The following ST3GAL2 variants were observed in gnomAD, a reference collection of about 807,000 sequenced individuals.
ST3GAL2 encodes the protein CMP-N-acetylneuraminate-beta-galactosamide-alpha-2,3-sialyltransferase 2.
A neutral mutation model predicts 37.5 loss-of-function variants in ST3GAL2; 16 were observed. That is an observed-to-expected ratio of 0.43 (90% CI 0.29 to 0.65). The LOEUF (loss-of-function observed/expected upper bound fraction) is 0.65. Ranked by LOEUF, ST3GAL2 falls within the 30% of genes least tolerant of loss-of-function variation. ST3GAL2 has a pLI of 0.17. For missense variants in ST3GAL2, 383 were observed against 487.8 expected, an observed-to-expected ratio of 0.79 and a Z score of 2.02; for synonymous variants, 238 against 202.9, an observed-to-expected ratio of 1.17 and a Z score of -1.47.
chr16:70,403,894 C>T (rs2047572141), intron 1 of ST3GAL2, among the ~76,000 whole-genome samples: 1 of 151,956 alleles, frequency 6.6e-6, no homozygotes, highest in Non-Finnish European at 1.5e-5. Context: ...ACTCAGGAGG[C>T]TTAGGCATAA....
At chr16:70,410,651 T>C (rs376595271) in intron 1 of ST3GAL2, among the ~76,000 whole-genome samples, 5 of 152,040 alleles carry the variant, frequency 3.3e-5, no homozygotes, top group East Asian at 1.9e-4. Context: ...ATTTTCTTGA[T>C]GAAGTCTTCA....
intron 1 of ST3GAL2, among the ~76,000 whole-genome samples, chr16:70,407,757 G>C (rs772365686): frequency 2.6e-5 from 4 of 152,158 alleles, no homozygotes; most frequent in African/African-American, 4.8e-5. Context: ...GCCCCAAAAC[G>C]AGAACAGCAG....
chr16:70,415,171 G>A (rs2047667383), intron 1 of ST3GAL2, among the ~76,000 whole-genome samples: 1 of 152,260 alleles, frequency 6.6e-6, no homozygotes, highest in Admixed American at 6.5e-5. Flanking sequence ...ATCACGCCCA[G>A]CCAATTTTTC....
At chr16:70,390,232 G>A (rs898684361) in intron 3 of ST3GAL2, among the ~76,000 whole-genome samples, 8 of 152,094 alleles carry the variant, frequency 5.3e-5, no homozygotes, top group Non-Finnish European at 8.8e-5. Flanking sequence ...GCATCACCAC[G>A]CCTGTTTTGT....
intron 1 of ST3GAL2, among the ~76,000 whole-genome samples, chr16:70,411,390 A>T (rs2047637185): frequency 1.3e-5 from 2 of 152,036 alleles, no homozygotes; most frequent in African/African-American, 2.4e-5. Flanking sequence ...AAAATAAAAA[A>T]AAAAAAAGCA....
At chr16:70,408,943 GAAAC>G (rs1380884505) in intron 1 of ST3GAL2, among the ~76,000 whole-genome samples, 20 of 65,830 alleles carry the variant, frequency 3.0e-4, no homozygotes, top group African/African-American at 9.5e-4. Flanking sequence ...AAAAAATAAA[GAAAC>G]GGCCTCTAAG....
intron 1 of ST3GAL2, among the ~76,000 whole-genome samples, chr16:70,430,868 T>C (rs2047785063): frequency 6.6e-6 from 1 of 152,112 alleles, no homozygotes; most frequent in African/African-American, 2.4e-5. Context: ...TCTTTTCTTG[T>C]GTAGCCTAGG....
intron 1 of ST3GAL2, among the ~76,000 whole-genome samples, chr16:70,408,982 C>A (rs1442193246): frequency 7.3e-6 from 1 of 136,060 alleles, no homozygotes; most frequent in Non-Finnish European, 1.6e-5. Flanking sequence ...CCCTGAGGCA[C>A]GGGGAGAGGG....
chr16:70,415,762 CTTTTTTT>C (rs1203693372), intron 1 of ST3GAL2, among the ~76,000 whole-genome samples: 24 of 115,938 alleles, frequency 2.1e-4, no homozygotes, highest in South Asian at 8.8e-4. Flanking sequence ...TTCCAAGATT[CTTTTTTT>C]TTTTTTTTTT....
chr16:70,376,860 G>A lies in ST3GAL2; in HGVS notation c.*4829C>T, dbSNP rs2047349746. 2 of 151,836 alleles carry A rather than the reference G, an allele frequency of 1.3e-5. No individual in the cohort carries two copies. Among genetic ancestry groups the A allele is most frequent in the Admixed American group, 1.3e-4 (2 of 15,226 alleles). The allele number at this position is 151,836 out of a possible 1,614,324, so 9.4% of individuals were successfully genotyped here. A position where few individuals can be genotyped will look rare whatever the true frequency, so the allele number is the denominator to read the frequency against. On this transcript the variant is annotated 3_prime_UTR_variant, in exon 7 of 7. Coordinates refer to ENST00000342907, the MANE Select transcript of ST3GAL2 (RefSeq NM_006927.4). ...CAGGTTCAAGCAATTCTCTGCCTCGGTCTCCCGAGTAGCTGGGATCACAGC... is the reference window on the plus strand; with the variant it reads ...CAGGTTCAAGCAATTCTCTGCCTCGATCTCCCGAGTAGCTGGGATCACAGC...
At chr16:70,395,310 G>T in intron 2 of ST3GAL2, 135 bp from the exon 3 acceptor site, 2 of 801,778 alleles carry the variant, frequency 2.5e-6, no homozygotes, top group Non-Finnish European at 1.9e-6. Context: ...CTCTGCCAGG[G>T]AACAGGGGTT....
intron 1 of ST3GAL2, among the ~76,000 whole-genome samples, chr16:70,408,890 CAAAAAAAAAAAAAAAAAAAAAAAAAAAA>C (rs59060353): frequency 8.4e-5 from 5 of 59,864 alleles, no homozygotes; most frequent in African/African-American, 2.6e-4. Flanking sequence ...CTCAAAGAAA[CAAAAAAAAAAAAAAAAAAAAAAAAAAAA>C]AAAAAAAAAG....
intron 2 of ST3GAL2, 85 bp downstream of exon 2, chr16:70,398,107 C>G (rs896338730): frequency 6.9e-7 from 1 of 1,439,138 alleles, no homozygotes; most frequent in African/African-American, 1.4e-5. Context: ...TTTGTCAAGG[C>G]TCTGGGGGCC....
intron 3 of ST3GAL2, among the ~76,000 whole-genome samples, chr16:70,388,902 A>T (rs971048592): frequency 3.7e-5 from 5 of 135,198 alleles, no homozygotes; most frequent in African/African-American, 5.7e-5. Flanking sequence ...CATCTTTACT[A>T]AAAAAAAAAA....
intron 4 of ST3GAL2, among the ~76,000 whole-genome samples, chr16:70,386,529 A>G (rs1227777544): frequency 6.6e-6 from 1 of 151,890 alleles, no homozygotes; most frequent in Non-Finnish European, 1.5e-5. Context: ...TAGTAGAGAC[A>G]AGGTTTCACC....
At chr16:70,395,196 T>A (rs2151662125) in intron 2 of ST3GAL2, 21 bp from the exon 3 acceptor site, 1 of 1,585,818 alleles carries the variant, frequency 6.3e-7, no homozygotes. Context: ...GAGGGGAAGA[T>A]GGGAAACGAG....
intron 1 of ST3GAL2, among the ~76,000 whole-genome samples, chr16:70,419,583 G>A (rs961021712): frequency 6.6e-6 from 1 of 152,194 alleles, no homozygotes; most frequent in African/African-American, 2.4e-5. Flanking sequence ...CAACACACAA[G>A]ACAAGCTAAG....
At position 70,398,836 on chromosome 16, in the gene ST3GAL2, G is replaced by C. The variant is rs2047535931; in HGVS notation, c.-306C>G. ...CTCCTGCCACCCTGGTGAGGGGGAG[G>C]TCAGTCCATTGCAGCCCTCTAGTCC... On this transcript the variant is annotated 5_prime_UTR_variant, in exon 2 of 7. Transcript: ENST00000342907. The C allele has an allele frequency of 1.1e-5, 6 of 561,214 alleles. No homozygotes were observed. In the Admixed American group the frequency reaches 1.9e-4, roughly 18 times the overall value. The allele number at this position is 561,214 out of a possible 1,614,324, so 34.8% of individuals were successfully genotyped here.
At chr16:70,416,521 T>C (rs552471594) in intron 1 of ST3GAL2, among the ~76,000 whole-genome samples, 1 of 152,312 alleles carries the variant, frequency 6.6e-6, no homozygotes, top group South Asian at 2.1e-4. Context: ...GTCCTGCATA[T>C]AGGAGGCATC....
Sources: allele counts gnomAD v4.1 joint callset (sites outside exome capture counted in the v4.1 genomes callset), GRCh38; gene constraint gnomAD v4.1.1; transcripts MANE v1.5; gene names NCBI Gene and HGNC (gene_info 2026-07-23, HGNC 2026-07-21).